The following SLC14A2 variants were observed in gnomAD, a reference collection of about 807,000 sequenced individuals.
SLC14A2 encodes urea transporter 2.
Under a neutral mutation model 104.6 loss-of-function variants are expected in SLC14A2, and 91 were observed. The observed-to-expected ratio is 0.87, with a 90% confidence interval of 0.73 to 1.04. The LOEUF is 1.04. Among genes scored for constraint, SLC14A2 ranks in the 50% least tolerant of loss-of-function variants. The probability of loss-of-function intolerance (pLI) is 0.00; values close to 1 mark genes in which losing one functional copy is unlikely to be tolerated. For missense variants in SLC14A2, 1,189 were observed against 1,156.0 expected (o/e 1.03, Z -0.41); for synonymous variants, 476 against 466.4 (o/e 1.02, Z -0.27).
In SLC14A2 at chr18:45,221,511, G is replaced by A. The variant is rs543657181; in HGVS notation, c.-125+8320G>A. Among the ~76,000 whole-genome samples the A allele has an allele frequency of 1.6e-3, 250 of 152,264 alleles. 1 individual carries two copies. The highest frequency in any genetic ancestry group is 5.7e-3 in the African/African-American group (238 of 41,562). On this transcript the variant is annotated intron_variant, in intron 1 of 20. Coordinates refer to the SLC14A2 transcript ENST00000586448. Reference sequence around the variant, plus strand: ...CAGATCAGTCACTGCAGCCGGGGAGGCAGGGTGTAATCAAAATAGCAGCCC... The same window carrying A: ...CAGATCAGTCACTGCAGCCGGGGAGACAGGGTGTAATCAAAATAGCAGCCC...
intron 2 of SLC14A2, among the ~76,000 whole-genome samples, chr18:45,581,296 CA>C (rs1429478460): frequency 6.6e-6 from 1 of 152,152 alleles, no homozygotes; most frequent in Non-Finnish European, 1.5e-5. Context: ...GAACAAAGGA[CA>C]GGTGGGGGAC....
intron 1 of SLC14A2, among the ~76,000 whole-genome samples, chr18:45,445,106 C>CTTT (rs34188378): frequency 0.1 from 9,436 of 94,554 alleles, 626 homozygotes; most frequent in Admixed American, 0.13. Context: ...AATTGACATG[C>CTTT]TTTTTTTTTT....
At chr18:45,567,245 G>T (rs1467748218) in intron 2 of SLC14A2, among the ~76,000 whole-genome samples, 2 of 151,948 alleles carry the variant, frequency 1.3e-5, no homozygotes, top group African/African-American at 4.8e-5. Flanking sequence ...CACCATCCCA[G>T]ACTAAAGTCA....
intron 1 of SLC14A2, among the ~76,000 whole-genome samples, chr18:45,235,372 A>G (rs1048868373): frequency 6.6e-6 from 1 of 152,174 alleles, no homozygotes; most frequent in African/African-American, 2.4e-5. Context: ...GATCAAACCA[A>G]GGTAATTAGA....
chr18:45,448,285 T>C (rs1321814178), intron 1 of SLC14A2, among the ~76,000 whole-genome samples: 1 of 152,234 alleles, frequency 6.6e-6, no homozygotes, highest in African/African-American at 2.4e-5. Context: ...ATTGTGACCT[T>C]AGAATTTCTG....
Position 45,262,140 on chromosome 18 carries a change from G to C in SLC14A2, c.-125+48949G>C, listed in dbSNP as rs143620544. Reference sequence around the variant, plus strand: ...TGGTATCTCATTGTGGTTTTGATTTGCATTTCTCTGATGGCCAGTGATGAA... The same window carrying C: ...TGGTATCTCATTGTGGTTTTGATTTCCATTTCTCTGATGGCCAGTGATGAA... On this transcript the variant is annotated intron_variant, in intron 1 of 20. Coordinates refer to the SLC14A2 transcript ENST00000586448. Among the ~76,000 whole-genome samples, 1,087 of 152,188 alleles carry C rather than the reference G, an allele frequency of 7.1e-3. 37 individuals are homozygous for C. The highest frequency in any genetic ancestry group is 0.058 in the Admixed American group (886 of 15,280).
At chr18:45,531,875 G>A (rs953915483) in intron 2 of SLC14A2, among the ~76,000 whole-genome samples, 3 of 152,122 alleles carry the variant, frequency 2.0e-5, no homozygotes, top group African/African-American at 4.8e-5. Context: ...ATTACTTTTT[G>A]TATAAGGTGT....
chr18:45,626,891 C>A (rs2045265258), intron 3 of SLC14A2, 67 bp from the exon 4 acceptor site: 18 of 1,371,454 alleles, frequency 1.3e-5, no homozygotes, highest in Non-Finnish European at 1.7e-5. Flanking sequence ...GGTTGCCATG[C>A]CAACCAGCAG....
At chr18:45,585,138 GTCC>G (rs77973886) in intron 2 of SLC14A2, among the ~76,000 whole-genome samples, 61,508 of 151,326 alleles carry the variant, frequency 0.41, 12,861 homozygotes, top group Non-Finnish European at 0.44. Flanking sequence ...TTGACACCAT[GTCC>G]TCCTCCTCCT....
intron 2 of SLC14A2, among the ~76,000 whole-genome samples, chr18:45,544,349 A>T (rs2043934610): frequency 6.6e-6 from 1 of 152,206 alleles, no homozygotes; most frequent in Admixed American, 6.5e-5. Flanking sequence ...TTTGTCAATT[A>T]GTGTATATAC....
chr18:45,641,334 C>G lies in SLC14A2; in HGVS notation c.1117C>G (p.Leu373Val), dbSNP rs760935146. Residue 373 changes from leucine to valine, a missense_variant, in exon 8 of 20, where the codon CTC becomes GTC. By Grantham distance (32) the Leu-to-Val change is conservative. Coordinates refer to ENST00000255226, the MANE Select transcript of SLC14A2 (RefSeq NM_007163.4). ...ALTWQTHLLALICALFCAYME... is the reference protein window; with the variant it reads ...ALTWQTHLLAVICALFCAYME... ...CACCTGGCAGACTCACCTGCTGGCCCTCATCTGTGGTAGGTGTTCAGAAAA... is the reference window on the plus strand; with the variant it reads ...CACCTGGCAGACTCACCTGCTGGCCGTCATCTGTGGTAGGTGTTCAGAAAA... The G allele has an allele frequency of 6.8e-6, 11 of 1,614,208 alleles. No individual in the cohort carries two copies. Among genetic ancestry groups the G allele is most frequent in the Admixed American group, 1.7e-5 (1 of 60,028 alleles).
intron 1 of SLC14A2, among the ~76,000 whole-genome samples, chr18:45,339,276 A>G (rs2144278317): frequency 6.6e-6 from 1 of 152,256 alleles, no homozygotes; most frequent in South Asian, 2.1e-4. Context: ...CTTATACCTC[A>G]TTTATACTAG....
At chr18:45,182,533 T>A in the SLC14A2 span, among the ~76,000 whole-genome samples, 1 of 151,828 alleles carries the variant, frequency 6.6e-6, no homozygotes, top group Non-Finnish European at 1.5e-5. Context: ...AAGTAATTAG[T>A]AAAAAAATTG....
chr18:45,276,379 C>G lies in SLC14A2; in HGVS notation c.-125+63188C>G, dbSNP rs533951322. 2.0e-5 allele frequency among the ~76,000 whole-genome samples: 3 copies of G among 152,250 alleles called. No individual in the cohort carries two copies. The South Asian group carries it at 6.2e-4, about 32-fold the overall frequency. On this transcript the variant is annotated intron_variant, in intron 1 of 20. Transcript: ENST00000586448. ...AAGTGTAAAGGGGACATAGAAGAGG[C>G]TTTGAAATCTAAGGAAGTCAAGAAA...
At chr18:45,666,241 T>C (rs2046021797) in intron 12 of SLC14A2, 22 bp downstream of exon 12, 3 of 1,531,938 alleles carry the variant, frequency 2.0e-6, no homozygotes, top group Non-Finnish European at 2.7e-6. Flanking sequence ...GTGTCCTGAA[T>C]CAGGGACAGC....
intron 1 of SLC14A2, among the ~76,000 whole-genome samples, chr18:45,402,312 G>A (rs767743949): frequency 3.2e-4 from 49 of 152,026 alleles, no homozygotes; most frequent in African/African-American, 9.7e-4. Flanking sequence ...TAATTATTCC[G>A]TATGAAGTAA....
chr18:45,438,638 T>C (rs1281916321), intron 1 of SLC14A2, among the ~76,000 whole-genome samples: 13 of 152,220 alleles, frequency 8.5e-5, no homozygotes, highest in Admixed American at 8.5e-4. Context: ...ACAATTCCAT[T>C]TCTACTCAAA....
chr18:45,178,425 G>A, the SLC14A2 span, among the ~76,000 whole-genome samples: 3 of 152,050 alleles, frequency 2.0e-5, no homozygotes, highest in South Asian at 2.1e-4. Flanking sequence ...AAAAGCACAC[G>A]TTATTGGCAT....
At chr18:45,250,402 T>C (rs1437518475) in intron 1 of SLC14A2, among the ~76,000 whole-genome samples, 2 of 152,186 alleles carry the variant, frequency 1.3e-5, no homozygotes, top group Non-Finnish European at 2.9e-5. Context: ...TTGTCATACA[T>C]AGCCTAATTC....
Sources: allele counts gnomAD v4.1 joint callset (sites outside exome capture counted in the v4.1 genomes callset), GRCh38; gene constraint gnomAD v4.1.1; transcripts MANE v1.5; gene names NCBI Gene and HGNC (gene_info 2026-07-23, HGNC 2026-07-21).